Variants in CUBN observed in about 807,000 individuals in gnomAD.
CUBN encodes cubilin.
CUBN carries 282 observed loss-of-function variants against 405.3 expected under a neutral mutation model. The ratio of observed to expected loss-of-function variants is 0.70; its 90% confidence interval spans 0.63 to 0.77. The LOEUF is 0.77. Ranked by LOEUF, CUBN falls within the 30% of genes least tolerant of loss-of-function variation. The pLI, the probability that CUBN is intolerant of heterozygous loss-of-function variation, is 0.00. For synonymous variants in CUBN, 1,684 were observed against 1,617.0 expected, an observed-to-expected ratio of 1.04 and a Z score of -0.99; for missense variants, 4,514 against 4,475.2, an observed-to-expected ratio of 1.01 and a Z score of -0.25.
intron 40 of CUBN, 101 bp from the exon 41 acceptor site, chr10:16,928,404 C>A (rs778156439): frequency 4.7e-6 from 6 of 1,263,666 alleles, no homozygotes; most frequent in Non-Finnish European, 6.8e-6. Flanking sequence ...TTTCTCAGAA[C>A]ATCAGGACTC....
intron 49 of CUBN, 34 bp from the exon 50 acceptor site, chr10:16,906,443 G>A (rs768353772): frequency 1.4e-6 from 2 of 1,436,906 alleles, no homozygotes; most frequent in African/African-American, 1.4e-5. Context: ...GAAAGTAGTA[G>A]TAAGATTCAG....
At chr10:17,049,650 C>T (rs138566121) in intron 22 of CUBN, among the ~76,000 whole-genome samples, 58 of 152,270 alleles carry the variant, frequency 3.8e-4, no homozygotes, top group African/African-American at 1.3e-3. Context: ...AAGTAAACTA[C>T]AGTTCTTGAT....
At chr10:16,864,825 T>G (rs187937466) in intron 59 of CUBN, among the ~76,000 whole-genome samples, 114 of 151,276 alleles carry the variant, frequency 7.5e-4, no homozygotes, top group Middle Eastern at 3.4e-3. Flanking sequence ...TAATTTTGTA[T>G]TTTTAGTAGA....
At chr10:16,878,556 C>T (rs1840580476) in intron 56 of CUBN, among the ~76,000 whole-genome samples, 1 of 152,158 alleles carries the variant, frequency 6.6e-6, no homozygotes, top group Non-Finnish European at 1.5e-5. Flanking sequence ...GATACTGGCA[C>T]TAAGGTAAGA....
chr10:17,083,860 C>G (rs1277686089), intron 17 of CUBN, among the ~76,000 whole-genome samples: 1 of 152,022 alleles, frequency 6.6e-6, no homozygotes, highest in Non-Finnish European at 1.5e-5. Flanking sequence ...TTCAAATATT[C>G]CCTGTATTAC....
chr10:17,039,497 G>T (rs1057412705), intron 27 of CUBN, among the ~76,000 whole-genome samples: 2 of 152,136 alleles, frequency 1.3e-5, no homozygotes, highest in Non-Finnish European at 2.9e-5. Flanking sequence ...AGTCCTAACT[G>T]GTAAAAGGAG....
chr10:16,834,316 C>T (rs1427813016), intron 64 of CUBN, among the ~76,000 whole-genome samples: 1 of 151,622 alleles, frequency 6.6e-6, no homozygotes, highest in African/African-American at 2.4e-5. Flanking sequence ...TGGAGGACCC[C>T]AAAGTTTCAG....
chr10:17,084,250 C>T (rs777911915), intron 17 of CUBN, 21 bp downstream of exon 17: 26 of 1,610,752 alleles, frequency 1.6e-5, no homozygotes, highest in African/African-American at 8.0e-5. Context: ...CATCTAAGGG[C>T]GATTGAGTAG....
intron 57 of CUBN, among the ~76,000 whole-genome samples, chr10:16,875,183 C>T (rs555579851): frequency 2.6e-5 from 4 of 152,020 alleles, no homozygotes; most frequent in African/African-American, 9.6e-5. Flanking sequence ...AGGATTCCAG[C>T]AATTAACAGC....
At chr10:16,837,658 C>T (rs1051537860) in intron 62 of CUBN, among the ~76,000 whole-genome samples, 15 of 152,082 alleles carry the variant, frequency 9.9e-5, no homozygotes, top group African/African-American at 2.2e-4. Flanking sequence ...GAACATCCTC[C>T]GTAACCACCC....
chr10:16,906,658 G>A (rs1403075835), intron 49 of CUBN, among the ~76,000 whole-genome samples: 3 of 152,234 alleles, frequency 2.0e-5, no homozygotes, highest in African/African-American at 7.2e-5. Context: ...GTGGGCGTTT[G>A]GCTCTGTATC....
chr10:17,124,578 G>A (rs1469447214), intron 4 of CUBN, among the ~76,000 whole-genome samples: 4 of 150,834 alleles, frequency 2.7e-5, no homozygotes, highest in African/African-American at 7.3e-5. Context: ...ACAGGCGCCC[G>A]CCACCACGCC....
intron 57 of CUBN, among the ~76,000 whole-genome samples, chr10:16,876,638 T>C (rs1840509477): frequency 6.6e-6 from 1 of 152,188 alleles, no homozygotes; most frequent in East Asian, 1.9e-4. Context: ...TAGTATTTAT[T>C]TAAATTAAAT....
rs553734998 is a variant in CUBN, at chr10:17,006,148, C to T, written c.4168+13685G>A. Among the ~76,000 whole-genome samples the T allele has an allele frequency of 4.6e-5, 7 of 152,238 alleles. No individual in the cohort carries two copies. In the South Asian group the frequency reaches 6.2e-4, roughly 14 times the overall value. ...CTCCCAATCTGTGGCATTTTTGTTA[C>T]GACAGCCCAAGCAAATTAATACTCT... On this transcript the variant is annotated intron_variant, in intron 28 of 66. Transcript: ENST00000377833.
At chr10:16,850,832 C>G (rs1209466914) in intron 60 of CUBN, among the ~76,000 whole-genome samples, 1 of 152,152 alleles carries the variant, frequency 6.6e-6, no homozygotes, top group African/African-American at 2.4e-5. Context: ...ATGTGATAAG[C>G]AAATCTATAA....
At chr10:16,837,186 G>A (rs886407741) in intron 62 of CUBN, among the ~76,000 whole-genome samples, 4 of 151,724 alleles carry the variant, frequency 2.6e-5, no homozygotes, top group East Asian at 1.9e-4. Context: ...AGTCATTCTC[G>A]GTATACATCC....
chr10:16,897,559 G>A (rs1841222025), intron 54 of CUBN, among the ~76,000 whole-genome samples: 1 of 152,272 alleles, frequency 6.6e-6, no homozygotes, highest in African/African-American at 2.4e-5. Flanking sequence ...GGTCTGGCCT[G>A]TGGGGACAAA....
rs188873973 is a variant in CUBN at position 16,824,595 on chromosome 10, A to G, written c.*380T>C. Reference sequence around the variant, plus strand: ...GAGTGTAGTGGTGTGATCTTAGCTCACTGCAACCTCTGCCTCCTGGGTTCA... The same window carrying G: ...GAGTGTAGTGGTGTGATCTTAGCTCGCTGCAACCTCTGCCTCCTGGGTTCA... On this transcript the variant is annotated 3_prime_UTR_variant, in exon 67 of 67. Transcript: ENST00000377833. The G allele has an allele frequency of 1.0e-4, 32 of 308,054 alleles. No homozygotes were observed. The East Asian group carries it at 2.6e-3, about 25-fold the overall frequency. 19.1% of individuals were successfully genotyped at this position (308,054 alleles called of 1,614,324 possible).
At chr10:16,862,883 C>T (rs1425073289) in intron 59 of CUBN, among the ~76,000 whole-genome samples, 1 of 152,158 alleles carries the variant, frequency 6.6e-6, no homozygotes, top group Non-Finnish European at 1.5e-5. Flanking sequence ...AAAATGTTAT[C>T]CTATAATTTA....
Sources: allele counts gnomAD v4.1 joint callset (sites outside exome capture counted in the v4.1 genomes callset), GRCh38; gene constraint gnomAD v4.1.1; transcripts MANE v1.5; gene names NCBI Gene and HGNC (gene_info 2026-07-23, HGNC 2026-07-21).